TMEM272: variants seen among roughly 807,000 people sequenced by gnomAD.
The protein encoded by TMEM272 is long intergenic non-protein coding RNA 282.
A neutral mutation model predicts 3.7 loss-of-function variants in TMEM272; 8 were observed. The ratio of observed to expected loss-of-function variants is 2.17; its 90% CI spans 1.27 to 3.91. The LOEUF (loss-of-function observed/expected upper bound fraction) is 3.91, where lower values mean the gene tolerates loss of function less well. TMEM272 is among the 30% of genes most tolerant of loss of function. TMEM272 has a pLI of 0.00. For missense variants in TMEM272, 166 were observed against 91.5 expected (o/e 1.81, Z -3.32); for synonymous variants, 63 against 39.8 (o/e 1.58, Z -2.20).
At chr13:51,920,889 T>G in the TMEM272 span, among the ~76,000 whole-genome samples, 1 of 152,256 alleles carries the variant, frequency 6.6e-6, no homozygotes, top group Non-Finnish European at 1.5e-5. Context: ...CAAGTGGACT[T>G]CCGGTGGCCT....
the TMEM272 span, among the ~76,000 whole-genome samples, chr13:51,918,803 C>CTTTTTTTT: frequency 2.5e-5 from 2 of 81,044 alleles, no homozygotes; most frequent in Non-Finnish European, 2.3e-5. Flanking sequence ...TTTTGAAATT[C>CTTTTTTTT]TTTTTTTTTT....
chr13:51,853,622 A>C, the TMEM272 span, among the ~76,000 whole-genome samples: 1 of 152,220 alleles, frequency 6.6e-6, no homozygotes, highest in East Asian at 1.9e-4. Context: ...GTGTTGTTCA[A>C]GGGCCAACCA....
chr13:51,858,598 T>C, the TMEM272 span, among the ~76,000 whole-genome samples: 1 of 152,076 alleles, frequency 6.6e-6, no homozygotes. Flanking sequence ...CGCAGGTAAG[T>C]GTACTTAGAT....
Position 51,816,733 on chromosome 13 carries a change from T to C in TMEM272, c.*18A>G, listed in dbSNP as rs1339934773. The C allele has an allele frequency of 4.3e-6, 3 of 689,926 alleles. No homozygotes were observed. The highest frequency in any genetic ancestry group is 8.0e-6 in the Non-Finnish European group (3 of 376,664). The allele number at this position is 689,926 out of a possible 1,614,324, so 42.7% of individuals were successfully genotyped here. A position where few individuals can be genotyped will look rare whatever the true frequency, so the allele number is the denominator to read the frequency against. On this transcript the variant is annotated 3_prime_UTR_variant, in exon 5 of 5. Transcript: ENST00000629372. ...TGCACACGCATATGCATACATGGTA[T>C]GCTGGACAAGGCAGCTGTCAGTCTT...
the TMEM272 span, chr13:51,930,526 T>A: frequency 6.6e-6 from 1 of 152,302 alleles, no homozygotes; most frequent in South Asian, 2.1e-4. Context: ...CCACAATACT[T>A]TCCAATACCA....
chr13:51,928,027 C>T, the TMEM272 span, among the ~76,000 whole-genome samples: 996 of 152,272 alleles, frequency 6.5e-3, 3 homozygotes, highest in Middle Eastern at 0.037. Context: ...CCCCTACATT[C>T]CGTGGTCTTC....
At chr13:51,899,731 A>G in the TMEM272 span, among the ~76,000 whole-genome samples, 1 of 152,234 alleles carries the variant, frequency 6.6e-6, no homozygotes, top group African/African-American at 2.4e-5. Context: ...AAGTTTCTCT[A>G]TTTCAGATCT....
chr13:51,875,824 G>C, the TMEM272 span, among the ~76,000 whole-genome samples: 138 of 152,212 alleles, frequency 9.1e-4, no homozygotes, highest in African/African-American at 3.3e-3. Flanking sequence ...CTTACTGAAG[G>C]CCTCCAGGTA....
At chr13:51,862,544 GCTA>G in the TMEM272 span, among the ~76,000 whole-genome samples, 1 of 152,166 alleles carries the variant, frequency 6.6e-6, no homozygotes, top group East Asian at 1.9e-4. Context: ...CATTCATCCA[GCTA>G]CTATTTCCTG....
the TMEM272 span, among the ~76,000 whole-genome samples, chr13:51,851,395 GAGGAAGAAGAAGAAC>G: frequency 6.7e-6 from 1 of 149,836 alleles, no homozygotes; most frequent in African/African-American, 2.4e-5. Flanking sequence ...GGAGGAGGAG[GAGGAAGAAGAAGAAC>G]AAGAAGAAGA....
the TMEM272 span, among the ~76,000 whole-genome samples, chr13:51,931,603 T>G: frequency 6.6e-6 from 1 of 152,216 alleles, no homozygotes; most frequent in East Asian, 1.9e-4. Context: ...CAAACCTGCA[T>G]GCTCTGCACA....
intron 3 of TMEM272, among the ~76,000 whole-genome samples, chr13:51,822,855 C>G (rs1956092092): frequency 6.6e-6 from 1 of 152,230 alleles, no homozygotes; most frequent in Non-Finnish European, 1.5e-5. Flanking sequence ...TCTTTGTTCC[C>G]TAGACCTATT....
At chr13:51,868,978 G>A in the TMEM272 span, among the ~76,000 whole-genome samples, 4 of 152,288 alleles carry the variant, frequency 2.6e-5, no homozygotes, top group South Asian at 8.3e-4. Context: ...GAAGGGAAAG[G>A]AAATATTTTT....
chr13:51,928,706 G>A, the TMEM272 span, among the ~76,000 whole-genome samples: 2 of 152,162 alleles, frequency 1.3e-5, no homozygotes, highest in African/African-American at 4.8e-5. Flanking sequence ...GGCCCCCAGG[G>A]ATTTGGTGAG....
chr13:51,831,258 C>CA (rs1015768859), intron 2 of TMEM272, among the ~76,000 whole-genome samples: 3 of 152,054 alleles, frequency 2.0e-5, no homozygotes, highest in African/African-American at 4.8e-5. Flanking sequence ...CCCGTCTCTA[C>CA]AAAAAACACA....
At chr13:51,873,533 C>T in the TMEM272 span, among the ~76,000 whole-genome samples, 5 of 152,176 alleles carry the variant, frequency 3.3e-5, no homozygotes, top group Admixed American at 6.5e-5. Flanking sequence ...CGGAATCAAC[C>T]GGAGGGCTTG....
At chr13:51,901,888 C>T in the TMEM272 span, among the ~76,000 whole-genome samples, 1 of 152,230 alleles carries the variant, frequency 6.6e-6, no homozygotes, top group Non-Finnish European at 1.5e-5. Context: ...AGAAAATCCA[C>T]ATAGCTTCAT....
At chr13:51,900,800 A>G in the TMEM272 span, among the ~76,000 whole-genome samples, 1 of 152,274 alleles carries the variant, frequency 6.6e-6, no homozygotes, top group Non-Finnish European at 1.5e-5. Context: ...ATGATGTATT[A>G]CTGATACATG....
At chr13:51,847,788 G>T (rs1465015389), upstream of TMEM272, among the ~76,000 whole-genome samples, 1 of 152,120 alleles carries the variant, frequency 6.6e-6, no homozygotes, top group Non-Finnish European at 1.5e-5. Context: ...AGTCTTTTTT[G>T]AGCACATTTT....
Sources: gnomAD v4.1 joint callset for allele counts (sites outside exome capture counted in the v4.1 genomes callset) on GRCh38, gnomAD v4.1.1 for gene constraint, MANE v1.5 for transcripts, NCBI Gene and HGNC (gene_info 2026-07-23, HGNC 2026-07-21) for gene names.